Variants in SIL1 observed in about 807,000 individuals in gnomAD.
SIL1 encodes SIL1 nucleotide exchange factor.
SIL1 carries 40 observed loss-of-function variants against 49.1 expected under a neutral mutation model. The ratio of observed to expected loss-of-function variants is 0.81; its 90% confidence interval spans 0.63 to 1.06. SIL1 has a LOEUF of 1.06. Ranked by LOEUF, SIL1 falls within the 50% of genes least tolerant of loss-of-function variation. The pLI, the probability that SIL1 is intolerant of heterozygous loss-of-function variation, is 0.00. For missense variants in SIL1, 500 were observed against 572.6 expected (o/e 0.87, Z 1.29); for synonymous variants, 253 against 250.8 (o/e 1.01, Z -0.08).
intron 1 of SIL1, among the ~76,000 whole-genome samples, chr5:139,155,637 C>T (rs1273741572): frequency 6.6e-6 from 1 of 152,166 alleles, no homozygotes; most frequent in Non-Finnish European, 1.5e-5. Flanking sequence ...TTGGGAGACA[C>T]AAGCATTCAG....
chr5:138,956,465 T>G (rs56369119), intron 7 of SIL1, among the ~76,000 whole-genome samples: 2,752 of 152,218 alleles, frequency 0.018, 83 homozygotes, highest in African/African-American at 0.059. Flanking sequence ...AACAATTGGC[T>G]GGGCGCAGTG....
intron 1 of SIL1, among the ~76,000 whole-genome samples, chr5:139,194,294 G>C (rs1007647163): frequency 6.6e-6 from 1 of 152,116 alleles, no homozygotes; most frequent in Non-Finnish European, 1.5e-5. Context: ...TGAGCAGCCC[G>C]AATCTTTTAC....
chr5:139,065,360 C>T (rs887424534), intron 3 of SIL1, among the ~76,000 whole-genome samples: 3 of 152,162 alleles, frequency 2.0e-5, no homozygotes, highest in African/African-American at 7.2e-5. Context: ...TATCCAGCAG[C>T]AAAACTGAAG....
At chr5:138,981,225 A>G (rs756471639) in intron 7 of SIL1, among the ~76,000 whole-genome samples, 2 of 151,912 alleles carry the variant, frequency 1.3e-5, no homozygotes, top group Non-Finnish European at 2.9e-5. Flanking sequence ...AAAAAAAAAA[A>G]AAAAAAAAGT....
chr5:139,144,915 G>A (rs1186127283), intron 1 of SIL1, among the ~76,000 whole-genome samples: 2 of 151,874 alleles, frequency 1.3e-5, no homozygotes, highest in Non-Finnish European at 2.9e-5. Context: ...AGAAAACATG[G>A]GCAAAACCTT....
At chr5:139,173,113 G>T (rs1430601946) in intron 1 of SIL1, among the ~76,000 whole-genome samples, 1 of 152,230 alleles carries the variant, frequency 6.6e-6, no homozygotes, top group African/African-American at 2.4e-5. Context: ...TGAAAGGGGT[G>T]AGAAATGGAG....
rs1232386220 is a variant in SIL1 at position 139,169,776 on chromosome 5, C to T, written c.-11+28493G>A. On this transcript the variant is annotated intron_variant, in intron 1 of 9. Coordinates refer to ENST00000394817, the MANE Select transcript of SIL1 (RefSeq NM_022464.5). ...GATTACAGGCGTGAGCCACCACGCC[C>T]GGCCCAAGTATGGTATATTTAAGAA... 2.5e-4 allele frequency among the ~76,000 whole-genome samples: 38 copies of T among 151,640 alleles called. 1 individual carries two copies. The highest frequency in any genetic ancestry group is 4.4e-5 in the Non-Finnish European group (3 of 67,816).
intron 3 of SIL1, among the ~76,000 whole-genome samples, chr5:139,075,032 C>T (rs1409432919): frequency 6.6e-6 from 1 of 152,152 alleles, no homozygotes; most frequent in Non-Finnish European, 1.5e-5. Context: ...ACCATGTTTG[C>T]CAGGCTGGTC....
intron 3 of SIL1, among the ~76,000 whole-genome samples, chr5:139,113,319 A>T (rs1561867275): frequency 3.2e-5 from 4 of 124,614 alleles, no homozygotes; most frequent in Admixed American, 7.7e-5. Flanking sequence ...AAATAAATAA[A>T]TAAATAAATT....
rs773520401 is a variant in SIL1 at position 139,021,197 on chromosome 5, C to G, written c.741G>C (p.Ala247=). ...STEPLVKEYA[A]FVLGAAFSSN... is the part of the protein sequence containing the mutation. ...TGGAAAAGGCAGCGCCCAGCACAAA[C>G]GCAGCATACTCCTTCACGAGGGGCT... The change falls in exon 7 of 10, where the codon GCG becomes GCC. Residue 247 remains alanine (A), a synonymous_variant. Transcript: ENST00000394817. 6.2e-7 allele frequency: 1 copy of G among 1,614,136 alleles called. No homozygotes were observed. Among genetic ancestry groups the G allele is most frequent in the Non-Finnish European group, 8.5e-7 (1 of 1,180,028 alleles).
chr5:139,121,017 C>G lies in SIL1; in HGVS notation c.244+18G>C, dbSNP rs895939339. The G allele has an allele frequency of 6.2e-7, 1 of 1,613,742 alleles. No homozygotes were observed. Among genetic ancestry groups the G allele is most frequent in the Non-Finnish European group, 8.5e-7 (1 of 1,180,040 alleles). ...GAATTCAAAGTGTGTTTTGTGGGGA[C>G]AGGGCTGGGCCTGATACCTGGCTGA... On this transcript the variant is annotated intron_variant, in intron 3 of 9. Coordinates refer to ENST00000394817, the MANE Select transcript of SIL1 (RefSeq NM_022464.5).
At chr5:139,173,790 C>CAAAAAAAAAAAAAAAA (rs70982756) in intron 1 of SIL1, among the ~76,000 whole-genome samples, 1 of 106,368 alleles carries the variant, frequency 9.4e-6, no homozygotes, top group African/African-American at 3.4e-5. Flanking sequence ...ACTAAAAATA[C>CAAAAAAAAAAAAAAAA]AAAAAAAAAA....
chr5:139,089,011 AAC>A (rs1167809836), intron 3 of SIL1, among the ~76,000 whole-genome samples: 2 of 152,130 alleles, frequency 1.3e-5, no homozygotes, highest in Non-Finnish European at 2.9e-5. Context: ...CCCAACCCAC[AAC>A]ACTTACCAAA....
chr5:139,094,734 AT>A (rs1425405274), intron 3 of SIL1, among the ~76,000 whole-genome samples: 1 of 152,222 alleles, frequency 6.6e-6, no homozygotes, highest in Non-Finnish European at 1.5e-5. Flanking sequence ...ACATTGGTAT[AT>A]TAGTGTTAAC....
rs111391796 is a variant in SIL1, at chr5:139,048,922, T to C, written c.353+2016A>G. ...GCCTACCTGGAGGAATGAGGGAAGA[T>C]GAAAGATCCTTCCCAATTTGGAGTG... On this transcript the variant is annotated intron_variant, in intron 4 of 9. Transcript: ENST00000394817. 5.9e-4 allele frequency among the ~76,000 whole-genome samples: 90 copies of C among 152,310 alleles called. 1 individual carries two copies. The highest frequency in any genetic ancestry group is 2.2e-3 in the African/African-American group (90 of 41,580).
intron 1 of SIL1, among the ~76,000 whole-genome samples, chr5:139,159,855 T>G (rs1337125833): frequency 6.6e-6 from 1 of 152,134 alleles, no homozygotes; most frequent in African/African-American, 2.4e-5. Context: ...ACTCAGGATT[T>G]AAGAAAGAAG....
chr5:138,972,362 G>A (rs1169950709), intron 7 of SIL1, among the ~76,000 whole-genome samples: 2 of 152,208 alleles, frequency 1.3e-5, no homozygotes, highest in African/African-American at 4.8e-5. Context: ...GCCATGCCTG[G>A]TACTCACAGC....
intron 7 of SIL1, among the ~76,000 whole-genome samples, chr5:138,958,348 T>C (rs920293715): frequency 2.6e-5 from 4 of 152,358 alleles, no homozygotes; most frequent in African/African-American, 9.6e-5. Flanking sequence ...GGGCAAGTGA[T>C]GTCCATAAGT....
chr5:138,985,998 C>T (rs1043683300), intron 7 of SIL1, among the ~76,000 whole-genome samples: 1 of 152,238 alleles, frequency 6.6e-6, no homozygotes, highest in Non-Finnish European at 1.5e-5. Context: ...TTGTGATTAA[C>T]ATGGCTAGTC....
Sources: gnomAD v4.1 joint callset for allele counts (sites outside exome capture counted in the v4.1 genomes callset) on GRCh38, gnomAD v4.1.1 for gene constraint, MANE v1.5 for transcripts, NCBI Gene and HGNC (gene_info 2026-07-23, HGNC 2026-07-21) for gene names.